Variants in SNTG2 observed in about 807,000 individuals in gnomAD.
The protein encoded by SNTG2 is gamma-2-syntrophin.
Under a neutral mutation model 70.9 loss-of-function variants are expected in SNTG2, and 74 were observed. That is an observed-to-expected ratio of 1.04 (90% confidence interval 0.86 to 1.27). The LOEUF is 1.27. Ranked by LOEUF, SNTG2 falls within the 50% of genes most tolerant of loss-of-function variation. The pLI, the probability that SNTG2 is intolerant of heterozygous loss-of-function variation, is 0.00. For synonymous variants in SNTG2, 278 were observed against 273.8 expected, an observed-to-expected ratio of 1.02 and a Z score of -0.15; for missense variants, 717 against 690.7, an observed-to-expected ratio of 1.04 and a Z score of -0.43.
rs138037269 is a variant in SNTG2 at position 1,148,996 on chromosome 2, CAG to C, written c.411+11188_411+11189del. On this transcript the variant is annotated intron_variant, in intron 6 of 16. Transcript: ENST00000308624. ...CGCCCCTTTCCCTAAAAATAACAAA[CAG>C]TGACTGTTGTCAGGTACCATGGAGT... Among the ~76,000 whole-genome samples the C allele has an allele frequency of 9.3e-3, 1,413 of 152,248 alleles. 19 individuals carry two copies. The highest frequency in any genetic ancestry group is 0.032 in the African/African-American group (1,324 of 41,536).
At chr2:1,287,822 C>A (rs547911302) in intron 14 of SNTG2, among the ~76,000 whole-genome samples, 2 of 152,194 alleles carry the variant, frequency 1.3e-5, no homozygotes, top group Admixed American at 1.3e-4. Flanking sequence ...AAATAAGATG[C>A]GTCCTTTTCC....
intron 1 of SNTG2, among the ~76,000 whole-genome samples, chr2:990,250 G>A (rs1481899306): frequency 6.6e-6 from 1 of 152,220 alleles, no homozygotes; most frequent in Non-Finnish European, 1.5e-5. Flanking sequence ...AGCCGCCTCA[G>A]AGAGGCCTTG....
chr2:1,064,223 T>G lies in SNTG2; in HGVS notation c.73-19295T>G, dbSNP rs540990390. Among the ~76,000 whole-genome samples, 5 of 152,174 alleles carry G rather than the reference T, an allele frequency of 3.3e-5. No homozygotes were observed. In the South Asian group the frequency reaches 8.3e-4, roughly 25 times the overall value. ...CAATGAACGTGTATTAGAGATCCATTCAAACAGAAGTAAAATAAAAAGATT... is the reference window on the plus strand; with the variant it reads ...CAATGAACGTGTATTAGAGATCCATGCAAACAGAAGTAAAATAAAAAGATT... On this transcript the variant is annotated intron_variant, in intron 1 of 16. Transcript: ENST00000308624.
intron 4 of SNTG2, among the ~76,000 whole-genome samples, chr2:1,125,604 A>G (rs549145898): frequency 2.6e-4 from 39 of 152,392 alleles, no homozygotes; most frequent in South Asian, 8.3e-4. Context: ...TAAATCACAG[A>G]AGGAAAGCAT....
chr2:1,023,042 A>G (rs919460441), intron 1 of SNTG2, among the ~76,000 whole-genome samples: 3 of 152,234 alleles, frequency 2.0e-5, no homozygotes, highest in Non-Finnish European at 4.4e-5. Context: ...CTGAGCTGCT[A>G]CAAGTGGGAG....
At chr2:1,104,031 C>A (rs562904608) in intron 4 of SNTG2, among the ~76,000 whole-genome samples, 1 of 152,294 alleles carries the variant, frequency 6.6e-6, no homozygotes, top group East Asian at 1.9e-4. Flanking sequence ...CCTTTAACTA[C>A]CCTATGAGAT....
At chr2:1,157,103 A>G (rs1272699853) in intron 6 of SNTG2, among the ~76,000 whole-genome samples, 3 of 152,182 alleles carry the variant, frequency 2.0e-5, no homozygotes, top group Non-Finnish European at 1.5e-5. Flanking sequence ...ATTACTGTTT[A>G]GCAGAAATAG....
intron 6 of SNTG2, among the ~76,000 whole-genome samples, chr2:1,164,246 G>C (rs944664617): frequency 1.4e-5 from 2 of 145,112 alleles, no homozygotes; most frequent in Non-Finnish European, 3.0e-5. Flanking sequence ...GGCCTAGGAG[G>C]ATGAAGTGAG....
intron 8 of SNTG2, among the ~76,000 whole-genome samples, chr2:1,191,046 A>G (rs1251072541): frequency 6.6e-6 from 1 of 152,194 alleles, no homozygotes; most frequent in Non-Finnish European, 1.5e-5. Flanking sequence ...TCAGGAGGCA[A>G]TCCCACATGC....
At chr2:1,106,692 G>A (rs1434768547) in intron 4 of SNTG2, among the ~76,000 whole-genome samples, 1 of 129,884 alleles carries the variant, frequency 7.7e-6, no homozygotes. Flanking sequence ...CTTGGTAATA[G>A]TGGATGCGTG....
chr2:1,112,779 CGTGTGTACTAAGTGAGG>C (rs1666586775), intron 4 of SNTG2, among the ~76,000 whole-genome samples: 1 of 149,716 alleles, frequency 6.7e-6, no homozygotes, highest in Admixed American at 6.6e-5. Context: ...TGAGGAGGAT[CGTGTGTACTAAGTGAGG>C]TTTAACCCTT....
chr2:1,281,590 G>A (rs892248693), intron 14 of SNTG2, among the ~76,000 whole-genome samples: 1 of 151,746 alleles, frequency 6.6e-6, no homozygotes, highest in Non-Finnish European at 1.5e-5. Context: ...TTATCACAGT[G>A]TACATTGCAG....
intron 16 of SNTG2, among the ~76,000 whole-genome samples, chr2:1,356,804 G>A (rs1185008180): frequency 6.6e-6 from 1 of 151,936 alleles, no homozygotes; most frequent in East Asian, 1.9e-4. Context: ...TCATTAACGT[G>A]GTTTTTTTTA....
intron 9 of SNTG2, among the ~76,000 whole-genome samples, chr2:1,227,918 C>G (rs1341837641): frequency 6.6e-6 from 1 of 152,198 alleles, no homozygotes; most frequent in Non-Finnish European, 1.5e-5. Context: ...GGACTCCATT[C>G]TAAAAATGAG....
intron 14 of SNTG2, among the ~76,000 whole-genome samples, chr2:1,269,204 T>G (rs535651507): frequency 6.6e-6 from 1 of 152,270 alleles, no homozygotes; most frequent in East Asian, 1.9e-4. Flanking sequence ...CTGTCCTTAT[T>G]CCACTAAAGG....
At chr2:1,001,303 C>A (rs62106793) in intron 1 of SNTG2, among the ~76,000 whole-genome samples, 69,819 of 151,718 alleles carry the variant, frequency 0.46, 16,564 homozygotes, top group Middle Eastern at 0.6. Context: ...AAAGACATCC[C>A]AATTGGAAAA....
chr2:1,162,071 CAAA>C (rs58579024), intron 6 of SNTG2, among the ~76,000 whole-genome samples: 20,148 of 89,482 alleles, frequency 0.23, 1,506 homozygotes, highest in African/African-American at 0.29. Context: ...GACTCCGTCT[CAAA>C]AAAAAAAAAA....
At chr2:1,008,045 AC>A (rs1229758480) in intron 1 of SNTG2, among the ~76,000 whole-genome samples, 3 of 152,030 alleles carry the variant, frequency 2.0e-5, no homozygotes. Flanking sequence ...GAGCCACAAC[AC>A]CCGACCAGGT....
chr2:1,071,649 AT>A (rs59239662), intron 1 of SNTG2, among the ~76,000 whole-genome samples: 705 of 6,508 alleles, frequency 0.11, 1 homozygote, highest in East Asian at 0.41. Flanking sequence ...AAGTATAATA[AT>A]AAAAAAAAAA....
Sources: allele counts gnomAD v4.1 joint callset (sites outside exome capture counted in the v4.1 genomes callset), GRCh38; gene constraint gnomAD v4.1.1; transcripts MANE v1.5; gene names NCBI Gene and HGNC (gene_info 2026-07-23, HGNC 2026-07-21).